The following GABRB1 variants were observed in gnomAD, a reference collection of about 807,000 sequenced individuals.
GABRB1 encodes the protein gamma-aminobutyric acid type A receptor subunit beta1.
In GABRB1, 17 loss-of-function variants were observed where a neutral mutation model predicts 51.6. The ratio of observed to expected loss-of-function variants is 0.33; its 90% CI spans 0.23 to 0.49. The LOEUF is 0.49. Ranked by LOEUF, GABRB1 falls within the 20% of genes least tolerant of loss-of-function variation. GABRB1 has a pLI of 0.99. For missense variants in GABRB1, 410 were observed against 600.6 expected, an observed-to-expected ratio of 0.68 and a Z score of 3.32; for synonymous variants, 247 against 218.9, an observed-to-expected ratio of 1.13 and a Z score of -1.14.
rs376919359 is a variant in GABRB1 at position 47,265,714 on chromosome 4, A to G, written c.462-54413A>G. Among the ~76,000 whole-genome samples, 11 of 152,128 alleles carry G rather than the reference A, an allele frequency of 7.2e-5. No homozygotes were observed. The East Asian group carries it at 1.4e-3, about 19-fold the overall frequency. On this transcript the variant is annotated intron_variant, in intron 4 of 8. Transcript: ENST00000295454. ...TTAGTGATGTTGAGCATTTTTTCAT[A>G]TGCTTGTTGGCCATTTATATGCCTT...
At position 47,182,223 on chromosome 4, in the gene GABRB1, G is replaced by A. The variant is rs571948000; in HGVS notation, c.461+20754G>A. Among the ~76,000 whole-genome samples the A allele has an allele frequency of 2.0e-5, 3 of 152,000 alleles. No individual in the cohort carries two copies. The South Asian group carries it at 6.2e-4, about 32-fold the overall frequency. On this transcript the variant is annotated intron_variant, in intron 4 of 8. Transcript: ENST00000295454. ...TGGGATCGCTCAGAAAAGCATGAGA[G>A]AAATTTCTGGGTATTTTGGGGGAAG...
At chr4:47,237,357 A>G (rs1179366252) in intron 4 of GABRB1, among the ~76,000 whole-genome samples, 1 of 152,044 alleles carries the variant, frequency 6.6e-6, no homozygotes, top group Non-Finnish European at 1.5e-5. Context: ...GAAATAAACT[A>G]TGTTTCATAT....
chr4:46,997,118 T>C (rs1406173571), intron 1 of GABRB1, among the ~76,000 whole-genome samples: 10 of 152,252 alleles, frequency 6.6e-5, no homozygotes, highest in African/African-American at 2.4e-4. Context: ...TAAAACAGTG[T>C]TTCCACTGAA....
At chr4:47,314,617 T>TA (rs1325604395) in intron 4 of GABRB1, among the ~76,000 whole-genome samples, 2 of 151,910 alleles carry the variant, frequency 1.3e-5, no homozygotes, top group African/African-American at 4.8e-5. Flanking sequence ...TAATTTTATT[T>TA]AAAACTATTG....
intron 3 of GABRB1, among the ~76,000 whole-genome samples, chr4:47,116,571 A>C (rs777860760): frequency 3.3e-5 from 5 of 152,156 alleles, no homozygotes; most frequent in African/African-American, 9.7e-5. Flanking sequence ...TATAGTGGTA[A>C]ATTAGTTTGG....
intron 3 of GABRB1, among the ~76,000 whole-genome samples, chr4:47,035,186 T>C (rs993058124): frequency 6.6e-6 from 1 of 152,150 alleles, no homozygotes; most frequent in African/African-American, 2.4e-5. Flanking sequence ...TTCTTTACCA[T>C]TGCTTCCCCA....
At chr4:47,348,904 G>C (rs1726204938) in intron 5 of GABRB1, among the ~76,000 whole-genome samples, 1 of 152,182 alleles carries the variant, frequency 6.6e-6, no homozygotes, top group Non-Finnish European at 1.5e-5. Flanking sequence ...GAATTCCAGG[G>C]AGAGGTAAAA....
intron 3 of GABRB1, among the ~76,000 whole-genome samples, chr4:47,099,297 G>C (rs1432972630): frequency 6.6e-6 from 1 of 152,122 alleles, no homozygotes; most frequent in Non-Finnish European, 1.5e-5. Flanking sequence ...TTAAACAGAA[G>C]AAAAGCTGAG....
chr4:47,134,316 T>C (rs1011748066), intron 3 of GABRB1, among the ~76,000 whole-genome samples: 11 of 152,164 alleles, frequency 7.2e-5, no homozygotes, highest in African/African-American at 1.9e-4. Flanking sequence ...AATTGCACCC[T>C]CTATTTACTA....
intron 5 of GABRB1, among the ~76,000 whole-genome samples, chr4:47,379,274 C>A (rs141608857): frequency 2.6e-5 from 4 of 152,088 alleles, no homozygotes; most frequent in South Asian, 4.2e-4. Flanking sequence ...GATAGTTTGA[C>A]GTATACAATT....
intron 3 of GABRB1, among the ~76,000 whole-genome samples, chr4:47,128,599 G>A (rs1214200896): frequency 6.6e-6 from 1 of 151,968 alleles, no homozygotes; most frequent in Admixed American, 6.5e-5. Flanking sequence ...ATATAACTTA[G>A]AGTATAGAAA....
At chr4:47,268,384 A>G (rs1722723284) in intron 4 of GABRB1, among the ~76,000 whole-genome samples, 5 of 152,186 alleles carry the variant, frequency 3.3e-5, no homozygotes, top group Admixed American at 3.3e-4. Context: ...AAAAGCTAAA[A>G]TGGTTCAAAT....
intron 5 of GABRB1, among the ~76,000 whole-genome samples, chr4:47,364,281 C>T (rs953735056): frequency 7.9e-5 from 12 of 152,118 alleles, no homozygotes; most frequent in Non-Finnish European, 1.5e-5. Context: ...ACAAAGGCCT[C>T]CAAACTGTCC....
chr4:47,017,197 G>A (rs375023704), intron 1 of GABRB1, among the ~76,000 whole-genome samples: 2 of 152,144 alleles, frequency 1.3e-5, no homozygotes, highest in South Asian at 4.1e-4. Flanking sequence ...GTTTATGAAA[G>A]TGTTGAGTCA....
chr4:47,202,055 A>G (rs943988464), intron 4 of GABRB1, among the ~76,000 whole-genome samples: 1 of 152,114 alleles, frequency 6.6e-6, no homozygotes, highest in Non-Finnish European at 1.5e-5. Flanking sequence ...TGATGTGGTT[A>G]GGCCTTGTGT....
rs190804057 is a variant in GABRB1, at chr4:47,098,912, A to C, written c.241-62337A>C. Among the ~76,000 whole-genome samples the C allele has an allele frequency of 7.3e-3, 1,117 of 152,236 alleles. 10 individuals are homozygous for C. Among genetic ancestry groups the C allele is most frequent in the African/African-American group, 0.025 (1,051 of 41,552 alleles). On this transcript the variant is annotated intron_variant, in intron 3 of 8. Transcript: ENST00000295454. ...TGAAAGAAAATTCAACACTTTAGGA[A>C]CACTTTAGAAGATCTTATTCCATTA...
intron 3 of GABRB1, among the ~76,000 whole-genome samples, chr4:47,034,572 A>G (rs143586015): frequency 8.7e-4 from 133 of 152,304 alleles, no homozygotes; most frequent in African/African-American, 3.0e-3. Flanking sequence ...TGATTAGAAA[A>G]TAGAAACCAC....
intron 4 of GABRB1, among the ~76,000 whole-genome samples, chr4:47,162,853 C>A (rs1015342521): frequency 3.9e-5 from 6 of 152,034 alleles, no homozygotes; most frequent in Admixed American, 2.6e-4. Context: ...CAGACAATGA[C>A]CTTTCCAAAG....
At chr4:47,269,513 A>G (rs904027632) in intron 4 of GABRB1, among the ~76,000 whole-genome samples, 1 of 152,108 alleles carries the variant, frequency 6.6e-6, no homozygotes, top group Non-Finnish European at 1.5e-5. Context: ...GTTTAGTGTG[A>G]GGTGTGGGGG....
Sources: gnomAD v4.1 joint callset for allele counts (sites outside exome capture counted in the v4.1 genomes callset) on GRCh38, gnomAD v4.1.1 for gene constraint, MANE v1.5 for transcripts, NCBI Gene and HGNC (gene_info 2026-07-23, HGNC 2026-07-21) for gene names.